TGFBR2: variants seen among roughly 807,000 people sequenced by gnomAD.
TGFBR2 encodes transforming growth factor beta receptor 2.
In TGFBR2, 18 loss-of-function variants were observed where a neutral mutation model predicts 49.0. The ratio of observed to expected loss-of-function variants is 0.37; its 90% confidence interval spans 0.25 to 0.54. The LOEUF is 0.54. Among genes scored for constraint, TGFBR2 ranks in the 20% least tolerant of loss-of-function variants. TGFBR2 has a pLI of 0.85. For missense variants in TGFBR2, 525 were observed against 722.6 expected (o/e 0.73, Z 3.13); for synonymous variants, 282 against 275.9 (o/e 1.02, Z -0.22).
At position 30,645,588 on chromosome 3, in the gene TGFBR2, C is replaced by T. The variant is rs527419013; in HGVS notation, c.263+673C>T. ...GCAACCTCCACCTCCCAGGTTCAAG[C>T]GTTTCTCTTGTCTCAGCCTTTCGAG... On this transcript the variant is annotated intron_variant, in intron 2 of 6. Coordinates refer to ENST00000295754, the MANE Select transcript of TGFBR2 (RefSeq NM_003242.6). 2.1e-4 allele frequency among the ~76,000 whole-genome samples: 31 copies of T among 151,162 alleles called. No individual in the cohort carries two copies. The South Asian group carries it at 5.7e-3, about 28-fold the overall frequency.
intron 3 of TGFBR2, among the ~76,000 whole-genome samples, chr3:30,670,716 C>T (rs1311470990): frequency 6.6e-6 from 1 of 152,266 alleles, no homozygotes; most frequent in Admixed American, 6.5e-5. Context: ...TAAGGACTCT[C>T]CTTGTCAGCC....
chr3:30,612,573 T>C (rs886670454), intron 1 of TGFBR2, among the ~76,000 whole-genome samples: 10 of 152,206 alleles, frequency 6.6e-5, no homozygotes, highest in Admixed American at 6.5e-4. Flanking sequence ...GCAGAGTTTC[T>C]TTGCATAAGG....
chr3:30,634,780 G>A (rs1698499916), intron 1 of TGFBR2, among the ~76,000 whole-genome samples: 1 of 152,188 alleles, frequency 6.6e-6, no homozygotes, highest in South Asian at 2.1e-4. Context: ...TGTTTTCTCA[G>A]TTGCTGTCAC....
intron 1 of TGFBR2, among the ~76,000 whole-genome samples, chr3:30,625,542 T>C (rs1698317924): frequency 6.6e-6 from 1 of 152,224 alleles, no homozygotes; most frequent in South Asian, 2.1e-4. Flanking sequence ...TTTAAGCTTA[T>C]TGTCCTCTTG....
intron 3 of TGFBR2, among the ~76,000 whole-genome samples, chr3:30,656,379 T>G (rs998020938): frequency 6.6e-6 from 1 of 152,254 alleles, no homozygotes; most frequent in Non-Finnish European, 1.5e-5. Context: ...GTATTTGTAT[T>G]AGTTTATCTG....
At chr3:30,664,847 C>T (rs1699216373) in intron 3 of TGFBR2, among the ~76,000 whole-genome samples, 1 of 152,182 alleles carries the variant, frequency 6.6e-6, no homozygotes, top group South Asian at 2.1e-4. Flanking sequence ...TAAATAAAAT[C>T]CTATGTGGAT....
rs192024809 is a variant in TGFBR2, at chr3:30,689,523, C to G, written c.1524+1012C>G. 8.5e-5 allele frequency among the ~76,000 whole-genome samples: 13 copies of G among 152,278 alleles called. 1 individual carries two copies. Among genetic ancestry groups the G allele is most frequent in the African/African-American group, 3.1e-4 (13 of 41,554 alleles). ...ACAGAAACAACAAATCAGGCACAAT[C>G]GGGAAGACAAATGGAGCAGGAAGTC... On this transcript the variant is annotated intron_variant, in intron 6 of 6. Transcript: ENST00000295754.
chr3:30,641,693 C>T (rs577528623), intron 1 of TGFBR2, among the ~76,000 whole-genome samples: 100 of 152,298 alleles, frequency 6.6e-4, no homozygotes, highest in South Asian at 2.5e-3. Context: ...GCCCTTCCCA[C>T]CATATGCCTG....
intron 3 of TGFBR2, among the ~76,000 whole-genome samples, chr3:30,651,995 C>T (rs933873936): frequency 2.6e-5 from 4 of 152,202 alleles, no homozygotes; most frequent in Admixed American, 6.5e-5. Flanking sequence ...TATGTGTCCT[C>T]GTGTTTCGTG....
intron 3 of TGFBR2, among the ~76,000 whole-genome samples, chr3:30,662,167 G>A (rs546736012): frequency 1.3e-5 from 2 of 152,284 alleles, no homozygotes; most frequent in African/African-American, 4.8e-5. Context: ...TTGACTTAAT[G>A]TAAAGAATAA....
chr3:30,638,458 C>CT (rs1056394795), intron 1 of TGFBR2, among the ~76,000 whole-genome samples: 5 of 152,162 alleles, frequency 3.3e-5, no homozygotes, highest in Non-Finnish European at 5.9e-5. Context: ...GATGGTATCT[C>CT]TAGTATTGAC....
intron 5 of TGFBR2, among the ~76,000 whole-genome samples, chr3:30,681,150 C>T (rs1221701692): frequency 2.9e-5 from 3 of 104,086 alleles, no homozygotes; most frequent in African/African-American, 4.0e-5. Context: ...TTGCTGCAGC[C>T]TTGTGAGATG....
intron 1 of TGFBR2, among the ~76,000 whole-genome samples, chr3:30,617,128 GC>G (rs1226889553): frequency 6.6e-6 from 1 of 151,010 alleles, no homozygotes; most frequent in Non-Finnish European, 1.5e-5. Context: ...GTGTTCTGTT[GC>G]CTTTCAAATA....
intron 1 of TGFBR2, among the ~76,000 whole-genome samples, chr3:30,640,328 G>T (rs1275007303): frequency 1.3e-5 from 2 of 152,042 alleles, no homozygotes; most frequent in African/African-American, 4.8e-5. Flanking sequence ...TGCCTATTAG[G>T]GGTAGAAAAT....
chr3:30,687,696 T>G (rs1699648377), intron 5 of TGFBR2, among the ~76,000 whole-genome samples: 1 of 152,244 alleles, frequency 6.6e-6, no homozygotes, highest in African/African-American at 2.4e-5. Context: ...TACTGAAATT[T>G]GCTCAACTGA....
chr3:30,637,063 G>GAAA (rs752993282), intron 1 of TGFBR2, among the ~76,000 whole-genome samples: 1 of 99,156 alleles, frequency 1.0e-5, no homozygotes, highest in Non-Finnish European at 2.1e-5. Flanking sequence ...GACTCTGTCT[G>GAAA]AAAAAAAAAA....
intron 3 of TGFBR2, among the ~76,000 whole-genome samples, chr3:30,670,413 T>C (rs765634582): frequency 5.3e-5 from 8 of 152,140 alleles, no homozygotes; most frequent in Non-Finnish European, 7.4e-5. Flanking sequence ...CACTCAGTAG[T>C]GATATATTTA....
chr3:30,636,662 ATGTT>A (rs1698538827), intron 1 of TGFBR2, among the ~76,000 whole-genome samples: 1 of 152,068 alleles, frequency 6.6e-6, no homozygotes, highest in Non-Finnish European at 1.5e-5. Context: ...GGGCCAAATA[ATGTT>A]TGATTCTCAT....
At chr3:30,643,563 C>T (rs1449412544) in intron 1 of TGFBR2, among the ~76,000 whole-genome samples, 1 of 152,164 alleles carries the variant, frequency 6.6e-6, no homozygotes, top group Non-Finnish European at 1.5e-5. Context: ...AATCACATTC[C>T]TCTCTAATCT....
Sources: gnomAD v4.1 joint callset for allele counts (sites outside exome capture counted in the v4.1 genomes callset) on GRCh38, gnomAD v4.1.1 for gene constraint, MANE v1.5 for transcripts, NCBI Gene and HGNC (gene_info 2026-07-23, HGNC 2026-07-21) for gene names.